ANK2: variants seen among roughly 807,000 people sequenced by gnomAD.
ANK2 encodes ankyrin-2.
ANK2 carries 83 observed loss-of-function variants against 360.5 expected under a neutral mutation model. The observed-to-expected ratio is 0.23, with a 90% CI of 0.19 to 0.28. The LOEUF (loss-of-function observed/expected upper bound fraction) is 0.28, where lower values mean the gene tolerates loss of function less well. ANK2 is among the 10% of genes least tolerant of loss of function. The probability of loss-of-function intolerance (pLI) is 1.00; values close to 1 mark genes in which losing one functional copy is unlikely to be tolerated. For missense variants in ANK2, 4,201 were observed against 4,795.7 expected (o/e 0.88, Z 3.66); for synonymous variants, 1,740 against 1,759.5 (o/e 0.99, Z 0.28).
At chr4:113,227,149 C>A (rs2099233897) in intron 4 of ANK2, among the ~76,000 whole-genome samples, 1 of 152,146 alleles carries the variant, frequency 6.6e-6, no homozygotes, top group Non-Finnish European at 1.5e-5. Context: ...TTCACATTCT[C>A]CAGTGGGCTA....
chr4:112,900,410 T>C (rs971500423), intron 1 of ANK2, among the ~76,000 whole-genome samples: 2 of 152,190 alleles, frequency 1.3e-5, no homozygotes, highest in Non-Finnish European at 2.9e-5. Flanking sequence ...TGTACATTGC[T>C]TTCGGTTATG....
intron 4 of ANK2, among the ~76,000 whole-genome samples, chr4:113,212,439 GTTATTTCTACTCT>G (rs1368487191): frequency 2.0e-5 from 3 of 152,172 alleles, no homozygotes; most frequent in South Asian, 2.1e-4. Flanking sequence ...GAATCCTCTG[GTTATTTCTACTCT>G]TTATTTCTAC....
At chr4:113,233,376 C>T (rs2099345417) in intron 5 of ANK2, among the ~76,000 whole-genome samples, 1 of 151,354 alleles carries the variant, frequency 6.6e-6, no homozygotes, top group Non-Finnish European at 1.5e-5. Flanking sequence ...ACCTCGTGAT[C>T]CGCCCGCCTC....
intron 1 of ANK2, among the ~76,000 whole-genome samples, chr4:113,098,234 T>A (rs6822373): frequency 6.6e-6 from 1 of 151,580 alleles, no homozygotes; most frequent in Non-Finnish European, 1.5e-5. Context: ...AAATGAAATT[T>A]AAAACAATAG....
chr4:113,187,473 T>C (rs2098551973), intron 2 of ANK2, among the ~76,000 whole-genome samples: 1 of 152,200 alleles, frequency 6.6e-6, no homozygotes, highest in South Asian at 2.1e-4. Context: ...TTTTTGCATC[T>C]TAAAAAAGAC....
the ANK2 span, among the ~76,000 whole-genome samples, chr4:112,712,401 TATA>T: frequency 0.21 from 11,738 of 55,658 alleles, 523 homozygotes; most frequent in East Asian, 0.31. Context: ...TATATATATA[TATA>T]TATTTTTTTT....
chr4:113,257,288 C>T (rs951734902), intron 11 of ANK2, among the ~76,000 whole-genome samples: 8 of 152,168 alleles, frequency 5.3e-5, no homozygotes, highest in Non-Finnish European at 7.4e-5. Context: ...TAATTTGCCC[C>T]AATTCCTGGG....
intron 1 of ANK2, among the ~76,000 whole-genome samples, chr4:113,086,355 C>G (rs143640664): frequency 2.6e-4 from 39 of 152,290 alleles, no homozygotes; most frequent in African/African-American, 8.9e-4. Context: ...TCCCATATTA[C>G]TTTAACAACA....
intron 1 of ANK2, among the ~76,000 whole-genome samples, chr4:113,156,894 A>G (rs1326089597): frequency 6.6e-6 from 1 of 151,258 alleles, no homozygotes; most frequent in African/African-American, 2.4e-5. Context: ...ACACAAACAG[A>G]TTTGTCTACT....
chr4:113,174,307 T>C (rs2153224951), intron 1 of ANK2, 109 bp from the exon 2 acceptor site: 2 of 878,014 alleles, frequency 2.3e-6, no homozygotes, highest in East Asian at 2.9e-5. Context: ...TATTGAAATT[T>C]TTCCAACTAA....
chr4:113,310,723 T>C (rs1235311219), intron 23 of ANK2, among the ~76,000 whole-genome samples: 2 of 152,230 alleles, frequency 1.3e-5, no homozygotes, highest in East Asian at 3.9e-4. Flanking sequence ...AGCCAACTTT[T>C]AGTTTTTAAA....
chr4:112,812,069 C>T, the ANK2 span, among the ~76,000 whole-genome samples: 231 of 95,764 alleles, frequency 2.4e-3, 8 homozygotes, highest in East Asian at 0.067. Flanking sequence ...AGCAAGACTC[C>T]GTCTCAAAAA....
At chr4:112,854,691 A>G (rs1352893302) in intron 1 of ANK2, among the ~76,000 whole-genome samples, 1 of 152,198 alleles carries the variant, frequency 6.6e-6, no homozygotes, top group Non-Finnish European at 1.5e-5. Context: ...ATTGACCAAC[A>G]TTGGAACTGC....
In ANK2 at chr4:113,343,062, G is replaced by A. The variant is rs754436435; in HGVS notation, c.4168G>A (p.Val1390Ile). ...CTACGTTGATTGTTTCGGCAACTTG[G>A]TACCATTAACTAAAAGTGGCCAGCA... Reference protein sequence around the residue: ...PIYVDCFGNLVPLTKSGQHHI... With the variant: ...PIYVDCFGNLIPLTKSGQHHI... The change falls in exon 34 of 46, where the codon GTA becomes ATA. Residue 1390 changes from valine to isoleucine, a missense_variant. Coordinates refer to ENST00000357077, the MANE Select transcript of ANK2 (RefSeq NM_001148.6). The A allele has an allele frequency of 6.2e-7, 1 of 1,613,738 alleles. No homozygotes were observed. The highest frequency in any genetic ancestry group is 8.5e-7 in the Non-Finnish European group (1 of 1,179,858).
intron 14 of ANK2, among the ~76,000 whole-genome samples, chr4:113,273,050 T>G (rs548517332): frequency 1.3e-5 from 2 of 152,322 alleles, no homozygotes; most frequent in African/African-American, 4.8e-5. Flanking sequence ...TATCTTCTAA[T>G]GTGTTGTCAG....
At chr4:112,913,643 T>C (rs1204161916) in intron 2 of ANK2, among the ~76,000 whole-genome samples, 8 of 152,204 alleles carry the variant, frequency 5.3e-5, no homozygotes, top group Non-Finnish European at 2.9e-5. Context: ...ATAGCCTCTC[T>C]TTCCCTCATT....
intron 20 of ANK2, among the ~76,000 whole-genome samples, chr4:113,290,206 G>A (rs988001204): frequency 6.7e-6 from 1 of 149,330 alleles, no homozygotes; most frequent in Non-Finnish European, 1.5e-5. Context: ...GTTGCTTGCA[G>A]TGTTACATTT....
chr4:113,304,256 G>T (rs1055678276), intron 23 of ANK2, among the ~76,000 whole-genome samples: 4 of 152,110 alleles, frequency 2.6e-5, no homozygotes, highest in Non-Finnish European at 5.9e-5. Context: ...CTTTATTGAT[G>T]GGGAGGCACT....
chr4:113,121,865 C>CG (rs1455827573), intron 1 of ANK2, among the ~76,000 whole-genome samples: 1 of 151,836 alleles, frequency 6.6e-6, no homozygotes, highest in African/African-American at 2.4e-5. Flanking sequence ...GAAATCTCCC[C>CG]CCCCACCACA....
Sources: gnomAD v4.1 joint callset for allele counts (sites outside exome capture counted in the v4.1 genomes callset) on GRCh38, gnomAD v4.1.1 for gene constraint, MANE v1.5 for transcripts, NCBI Gene and HGNC (gene_info 2026-07-23, HGNC 2026-07-21) for gene names.